The following BRIP1 variants were observed in gnomAD, a reference collection of about 807,000 sequenced individuals.
BRIP1 encodes the protein Fanconi anemia group J protein.
A neutral mutation model predicts 119.7 loss-of-function variants in BRIP1; 88 were observed. That is an observed-to-expected ratio of 0.74 (90% confidence interval 0.62 to 0.88). BRIP1 has a LOEUF of 0.88. Among genes scored for constraint, BRIP1 ranks in the 40% least tolerant of loss-of-function variants. BRIP1 has a pLI of 0.00. For missense variants in BRIP1, 1,259 were observed against 1,455.4 expected (o/e 0.87, Z 2.20); for synonymous variants, 443 against 496.5 (o/e 0.89, Z 1.43).
rs766129398 is a variant in BRIP1 at position 61,822,180 on chromosome 17, A to G, written c.628-13423T>C. Among the ~76,000 whole-genome samples the G allele has an allele frequency of 6.6e-6, 1 of 152,192 alleles. No homozygotes were observed. The highest frequency in any genetic ancestry group is 1.5e-5 in the Non-Finnish European group (1 of 68,032). On this transcript the variant is annotated intron_variant, in intron 6 of 19. Transcript: ENST00000259008. The surrounding 1 kb of genome is among the most constrained non-coding windows in gnomAD (Gnocchi z 4.4). ...AGTAAATGACAAAAAATAAAAGACA[A>G]TAAAAGAAGAAGAAAAGCTATTTGA...
At chr17:61,858,780 T>A (rs1169215634) in intron 3 of BRIP1, among the ~76,000 whole-genome samples, 1 of 152,234 alleles carries the variant, frequency 6.6e-6, no homozygotes, top group Non-Finnish European at 1.5e-5. Flanking sequence ...TCAATTCTCC[T>A]AATACTTTAG....
rs191143207 is a variant in BRIP1, at chr17:61,728,569, G to C, written c.2380-12506C>G. Among the ~76,000 whole-genome samples the C allele has an allele frequency of 3.7e-4, 56 of 152,160 alleles. 1 individual carries two copies. The highest frequency in any genetic ancestry group is 8.8e-5 in the Non-Finnish European group (6 of 68,018). Reference sequence around the variant, plus strand: ...GGACATAAGCCAGTTTGACCTGCAGGAGTTCAGAAAGTCTCAGGAAATGGA... The same window carrying C: ...GGACATAAGCCAGTTTGACCTGCAGCAGTTCAGAAAGTCTCAGGAAATGGA... On this transcript the variant is annotated intron_variant, in intron 16 of 19. Coordinates refer to ENST00000259008, the MANE Select transcript of BRIP1 (RefSeq NM_032043.3).
At chr17:61,849,878 T>C (rs1035610280) in intron 4 of BRIP1, among the ~76,000 whole-genome samples, 5 of 152,228 alleles carry the variant, frequency 3.3e-5, no homozygotes, top group East Asian at 3.8e-4. Flanking sequence ...CATCCATACA[T>C]GTAACCTCTT....
intron 3 of BRIP1, among the ~76,000 whole-genome samples, chr17:61,858,758 C>A (rs947175008): frequency 2.0e-5 from 3 of 152,094 alleles, no homozygotes; most frequent in African/African-American, 4.8e-5. Flanking sequence ...CATACACATA[C>A]CATGTTTAAC....
At position 61,860,025 on chromosome 17, in the gene BRIP1, C is replaced by G; in HGVS notation, c.94-118G>C. On this transcript the variant is annotated intron_variant, in intron 2 of 19. Transcript: ENST00000259008. This position sits in a 1 kb window ranked among gnomAD's most constrained non-coding sequence, Gnocchi z 4.1. ...TGAGATTGCACTCCAGGGAACACAACAATAGCAGAAGGAACTCATATTTAG... is the reference window on the plus strand; with the variant it reads ...TGAGATTGCACTCCAGGGAACACAAGAATAGCAGAAGGAACTCATATTTAG... 1 of 713,350 alleles carries G rather than the reference C, an allele frequency of 1.4e-6. No homozygotes were observed. The highest frequency in any genetic ancestry group is 2.5e-6 in the Non-Finnish European group (1 of 398,964). The allele number at this position is 713,350 out of a possible 1,614,324, so 44.2% of individuals were successfully genotyped here.
In BRIP1 at chr17:61,857,479, T is replaced by C. The variant is rs1384138063; in HGVS notation, c.206-248A>G. Among the ~76,000 whole-genome samples the C allele has an allele frequency of 6.6e-6, 1 of 152,156 alleles. No homozygotes were observed. The highest frequency in any genetic ancestry group is 1.5e-5 in the Non-Finnish European group (1 of 68,028). ...TGGCTCACGCCTGTTATCCTAGCAC[T>C]TTGGGAGGCCGAGGCAGGCACATCA... On this transcript the variant is annotated intron_variant, in intron 3 of 19. Coordinates refer to ENST00000259008, the MANE Select transcript of BRIP1 (RefSeq NM_032043.3). This position sits in a 1 kb window ranked among gnomAD's most constrained non-coding sequence, Gnocchi z 5.1.
At chr17:61,859,188 T>C (rs1332026546) in intron 3 of BRIP1, among the ~76,000 whole-genome samples, 1 of 152,110 alleles carries the variant, frequency 6.6e-6, no homozygotes, top group Non-Finnish European at 1.5e-5. Flanking sequence ...ATATATTCCA[T>C]GTGCTGATGT....
At chr17:61,786,636 ATTT>A (rs910849927) in intron 10 of BRIP1, among the ~76,000 whole-genome samples, 6 of 146,142 alleles carry the variant, frequency 4.1e-5, no homozygotes, top group Non-Finnish European at 9.0e-5. Context: ...GCTCTAATTA[ATTT>A]TTTAATTTAA....
rs2144776138 is a variant in BRIP1 at position 61,753,386 on chromosome 17, T to C, written c.2098-8795A>G. On this transcript the variant is annotated intron_variant, in intron 14 of 19. Coordinates refer to ENST00000259008, the MANE Select transcript of BRIP1 (RefSeq NM_032043.3). This position sits in a 1 kb window ranked among gnomAD's most constrained non-coding sequence, Gnocchi z 4.6. ...AAAGGACCAAGACTGGAAGGAAAGATTAAAAGTTTGTTGCCTTTAAGATAT... is the reference window on the plus strand; with the variant it reads ...AAAGGACCAAGACTGGAAGGAAAGACTAAAAGTTTGTTGCCTTTAAGATAT... Among the ~76,000 whole-genome samples, 1 of 152,286 alleles carries C rather than the reference T, an allele frequency of 6.6e-6. No homozygotes were observed. The highest frequency in any genetic ancestry group is 1.9e-4 in the East Asian group (1 of 5,188).
At position 61,724,192 on chromosome 17, in the gene BRIP1, C is replaced by T. The variant is rs1164646497; in HGVS notation, c.2380-8129G>A. ...ATATCAAAGGCATTGATAATTAAGA[C>T]TGAGGCGGTTTAGAATTGGGTAAAA... On this transcript the variant is annotated intron_variant, in intron 16 of 19. Coordinates refer to ENST00000259008, the MANE Select transcript of BRIP1 (RefSeq NM_032043.3). This position sits in a 1 kb window ranked among gnomAD's most constrained non-coding sequence, Gnocchi z 5.1. 6.6e-6 allele frequency among the ~76,000 whole-genome samples: 1 copy of T among 151,944 alleles called. No homozygotes were observed. The highest frequency in any genetic ancestry group is 1.5e-5 in the Non-Finnish European group (1 of 67,982).
In BRIP1 at chr17:61,710,393, CAGAT is replaced by C. The variant is rs1257301938; in HGVS notation, c.2492+5554_2492+5557del. On this transcript the variant is annotated intron_variant, in intron 17 of 19. Transcript: ENST00000259008. This position sits in a 1 kb window ranked among gnomAD's most constrained non-coding sequence, Gnocchi z 5.4. The stretch of plus-strand genomic sequence containing the variant: ...CGTAACACATGTTCAAGGAAGAAAA[CAGAT>C]AGGCTATTACAATACAATGAGATAT... Among the ~76,000 whole-genome samples, 1 of 152,044 alleles carries C rather than the reference CAGAT, an allele frequency of 6.6e-6. No individual in the cohort carries two copies.
rs2145200856 is a variant in BRIP1 at position 61,789,182 on chromosome 17, C to T, written c.1473+4415G>A. Among the ~76,000 whole-genome samples the T allele has an allele frequency of 6.6e-6, 1 of 151,906 alleles. No individual in the cohort carries two copies. Among genetic ancestry groups the T allele is most frequent in the East Asian group, 1.9e-4 (1 of 5,164 alleles). On this transcript the variant is annotated intron_variant, in intron 10 of 19. Coordinates refer to ENST00000259008, the MANE Select transcript of BRIP1 (RefSeq NM_032043.3). The surrounding 1 kb of genome is among the most constrained non-coding windows in gnomAD (Gnocchi z 4.8). Reference sequence around the variant, plus strand: ...CTGAGCAGGCTATGGCAGGAGGATCCCTTAAGACCAGAAATCCAAGGTTAC... The same window carrying T: ...CTGAGCAGGCTATGGCAGGAGGATCTCTTAAGACCAGAAATCCAAGGTTAC...
rs150408764 is a variant in BRIP1 at position 61,840,389 on chromosome 17, C to T, written c.627+6712G>A. Among the ~76,000 whole-genome samples the T allele has an allele frequency of 7.7e-3, 1,126 of 146,812 alleles. 10 individuals carry two copies. Among genetic ancestry groups the T allele is most frequent in the African/African-American group, 0.025 (1,019 of 40,164 alleles). ...AAAAAAAAAAAAGAAAAGGAATTTT[C>T]TACTAAACTCTAAACCTAACTCCTC... On this transcript the variant is annotated intron_variant, in intron 6 of 19. Coordinates refer to ENST00000259008, the MANE Select transcript of BRIP1 (RefSeq NM_032043.3).
In BRIP1 at chr17:61,807,522, A is replaced by G. The variant is rs1033014999; in HGVS notation, c.918+945T>C. 2.0e-5 allele frequency among the ~76,000 whole-genome samples: 3 copies of G among 152,154 alleles called. No individual in the cohort carries two copies. The highest frequency in any genetic ancestry group is 2.0e-4 in the Admixed American group (3 of 15,276). ...AAGTTTAAATAAATTTTCATCTATA[A>G]AAGAGAGTATTAAGGAAGAAAAGCA... is the stretch of plus-strand genomic sequence containing the variant. On this transcript the variant is annotated intron_variant, in intron 7 of 19. Transcript: ENST00000259008. This position sits in a 1 kb window ranked among gnomAD's most constrained non-coding sequence, Gnocchi z 4.5.
Position 61,793,818 on chromosome 17 carries a change from C to G in BRIP1, c.1341-89G>C. ...CAAGAGAATCATCATTATTGTCATG[C>G]GTTGATCTGTATATCTTGACATTCT... is the stretch of plus-strand genomic sequence containing the variant. On this transcript the variant is annotated intron_variant, in intron 9 of 19. Coordinates refer to ENST00000259008, the MANE Select transcript of BRIP1 (RefSeq NM_032043.3). The surrounding 1 kb of genome is among the most constrained non-coding windows in gnomAD (Gnocchi z 5.2). 1 of 1,358,282 alleles carries G rather than the reference C, an allele frequency of 7.4e-7. No individual in the cohort carries two copies. The highest frequency in any genetic ancestry group is 1.4e-5 in the South Asian group (1 of 72,850). 84.1% of individuals were successfully genotyped at this position (1,358,282 alleles called of 1,614,324 possible). A position where few individuals can be genotyped will look rare whatever the true frequency, so the allele number is the denominator to read the frequency against.
rs2145035339 is a variant in BRIP1 at position 61,776,588 on chromosome 17, G to A, written c.1936-26C>T. 6.2e-7 allele frequency: 1 copy of A among 1,610,774 alleles called. No individual in the cohort carries two copies. The highest frequency in any genetic ancestry group is 8.5e-7 in the Non-Finnish European group (1 of 1,176,996). The stretch of plus-strand genomic sequence containing the variant: ...CTAGAATATGAATATGTCATTATTA[G>A]AGTTATGCCTGAAAAAGGCATGGAA... On this transcript the variant is annotated intron_variant, in intron 13 of 19. Coordinates refer to ENST00000259008, the MANE Select transcript of BRIP1 (RefSeq NM_032043.3). This position sits in a 1 kb window ranked among gnomAD's most constrained non-coding sequence, Gnocchi z 5.0.
At position 61,804,966 on chromosome 17, in the gene BRIP1, G is replaced by C. The variant is rs2078052689; in HGVS notation, c.919-3492C>G. The stretch of plus-strand genomic sequence containing the variant: ...TGTCTCTCTCTTTCTGTGTGTGTGT[G>C]TGTGTGTGTGTGTGTGTGTGTGTGT... On this transcript the variant is annotated intron_variant, in intron 7 of 19. Transcript: ENST00000259008. This position sits in a 1 kb window ranked among gnomAD's most constrained non-coding sequence, Gnocchi z 4.5. Among the ~76,000 whole-genome samples, 2 of 130,164 alleles carry C rather than the reference G, an allele frequency of 1.5e-5. No homozygotes were observed. The highest frequency in any genetic ancestry group is 3.4e-5 in the Non-Finnish European group (2 of 58,390). The allele number at this position is 130,164 out of a possible 152,430, so 85.4% of individuals were successfully genotyped here.
At chr17:61,839,554 G>A (rs1405616321) in intron 6 of BRIP1, among the ~76,000 whole-genome samples, 2 of 152,052 alleles carry the variant, frequency 1.3e-5, no homozygotes, top group Non-Finnish European at 1.5e-5. Flanking sequence ...TTTACTTTAT[G>A]CATGTTTAAT....
intron 14 of BRIP1, among the ~76,000 whole-genome samples, chr17:61,763,617 A>G (rs1310837354): frequency 6.6e-6 from 1 of 152,148 alleles, no homozygotes; most frequent in East Asian, 1.9e-4. Context: ...AGCTCTAACC[A>G]TTCATTCACC....
Sources: gnomAD v4.1 joint callset for allele counts (sites outside exome capture counted in the v4.1 genomes callset) on GRCh38, gnomAD v4.1.1 for gene constraint, Gnocchi (gnomAD v3.1) non-coding constraint, MANE v1.5 for transcripts, NCBI Gene and HGNC (gene_info 2026-07-23, HGNC 2026-07-21) for gene names.